SGCD: variants seen among roughly 807,000 people sequenced by gnomAD.
The protein encoded by SGCD is sarcoglycan delta.
In SGCD, 18 loss-of-function variants were observed where a neutral mutation model predicts 36.6. The ratio of observed to expected loss-of-function variants is 0.49; its 90% CI spans 0.34 to 0.73. The LOEUF (loss-of-function observed/expected upper bound fraction) is 0.73, where lower values mean the gene tolerates loss of function less well. Among genes scored for constraint, SGCD ranks in the 30% least tolerant of loss-of-function variants. The pLI, the probability that SGCD is intolerant of heterozygous loss-of-function variation, is 0.01. For missense variants in SGCD, 387 were observed against 346.7 expected, an observed-to-expected ratio of 1.12 and a Z score of -0.92; for synonymous variants, 133 against 130.6, an observed-to-expected ratio of 1.02 and a Z score of -0.12.
upstream of SGCD, among the ~76,000 whole-genome samples, chr5:155,865,389 G>A (rs1755504033): frequency 6.6e-6 from 1 of 152,076 alleles, no homozygotes; most frequent in Non-Finnish European, 1.5e-5. Context: ...ATTGTGATAT[G>A]TTGTTTTGGT....
At chr5:156,527,634 A>G (rs1449052806) in intron 4 of SGCD, among the ~76,000 whole-genome samples, 3 of 152,210 alleles carry the variant, frequency 2.0e-5, no homozygotes. Flanking sequence ...CTATCTGTGA[A>G]AGAAGCTGGA....
chr5:156,029,481 A>C (rs1276827700), intron 1 of SGCD, among the ~76,000 whole-genome samples: 1 of 152,206 alleles, frequency 6.6e-6, no homozygotes, highest in African/African-American at 2.4e-5. Context: ...TGTAGTAACC[A>C]AGGTAGATGT....
At chr5:156,316,702 A>C (rs1202905233) in intron 3 of SGCD, among the ~76,000 whole-genome samples, 1 of 152,054 alleles carries the variant, frequency 6.6e-6, no homozygotes, top group Non-Finnish European at 1.5e-5. Context: ...AGATTACATA[A>C]TGGAGAAAGG....
the SGCD span, among the ~76,000 whole-genome samples, chr5:155,794,344 C>T: frequency 6.6e-6 from 1 of 151,882 alleles, no homozygotes; most frequent in Non-Finnish European, 1.5e-5. Flanking sequence ...AAAATCCTGT[C>T]AATAGAATAT....
chr5:156,071,977 T>G (rs566635064), intron 1 of SGCD, among the ~76,000 whole-genome samples: 2,503 of 152,242 alleles, frequency 0.016, 60 homozygotes, highest in African/African-American at 0.05. Flanking sequence ...GTTTTCCATT[T>G]GCTTGGTAGA....
At chr5:156,076,104 C>T (rs1280917037) in intron 1 of SGCD, among the ~76,000 whole-genome samples, 1 of 151,988 alleles carries the variant, frequency 6.6e-6, no homozygotes, top group African/African-American at 2.4e-5. Flanking sequence ...CCTACTATCT[C>T]GCGGTCGCCA....
chr5:155,895,839 A>C (rs1379983604), intron 1 of SGCD, among the ~76,000 whole-genome samples: 1 of 152,220 alleles, frequency 6.6e-6, no homozygotes, highest in African/African-American at 2.4e-5. Context: ...GTGATATCTC[A>C]AGGAGTAATA....
intron 3 of SGCD, among the ~76,000 whole-genome samples, chr5:156,144,087 A>G (rs1168368654): frequency 2.6e-5 from 4 of 151,968 alleles, no homozygotes; most frequent in East Asian, 1.9e-4. Flanking sequence ...TTATGGCTGC[A>G]TGGTATTCCA....
chr5:156,132,457 TC>T, intron 3 of SGCD, among the ~76,000 whole-genome samples: 1 of 128,090 alleles, frequency 7.8e-6, no homozygotes, highest in Non-Finnish European at 1.6e-5. Flanking sequence ...ACTTACCAAG[TC>T]TTTTTTTTTT....
chr5:155,964,761 C>A (rs1455074347), intron 1 of SGCD, among the ~76,000 whole-genome samples: 1 of 152,072 alleles, frequency 6.6e-6, no homozygotes, highest in African/African-American at 2.4e-5. Flanking sequence ...GGCTATAACT[C>A]CAGAGGCCAG....
At chr5:156,173,190 A>T (rs1763382739) in intron 3 of SGCD, among the ~76,000 whole-genome samples, 1 of 152,154 alleles carries the variant, frequency 6.6e-6, no homozygotes, top group African/African-American at 2.4e-5. Context: ...ATGTGAATAG[A>T]TTTTTTTAAA....
At chr5:155,861,959 T>TC in the SGCD span, among the ~76,000 whole-genome samples, 2 of 152,112 alleles carry the variant, frequency 1.3e-5, no homozygotes, top group Non-Finnish European at 2.9e-5. Flanking sequence ...CTAGCTGCTC[T>TC]CCCCCATCCT....
the SGCD span, among the ~76,000 whole-genome samples, chr5:155,769,694 A>C: frequency 1.3e-5 from 2 of 152,200 alleles, no homozygotes; most frequent in Admixed American, 6.5e-5. Flanking sequence ...GCCTCAAAGT[A>C]TCTTTCATGC....
In SGCD at chr5:156,759,294, G is replaced by T. The variant is rs1757452356; in HGVS notation, c.777G>T (p.Lys259Asn). The T allele has an allele frequency of 6.2e-7, 1 of 1,613,510 alleles. No homozygotes were observed. Among genetic ancestry groups the T allele is most frequent in the Admixed American group, 1.7e-5 (1 of 60,004 alleles). ...GSYTPTGTRQKVFEICVCANG... is the reference protein window; with the variant it reads ...GSYTPTGTRQNVFEICVCANG... ...ACACGCCTACAGGAACGAGGCAGAAGGTCTTCGAGATCTGCGTCTGCGCCA... is the reference window on the plus strand; with the variant it reads ...ACACGCCTACAGGAACGAGGCAGAATGTCTTCGAGATCTGCGTCTGCGCCA... The change falls in exon 9 of 9, where the codon AAG becomes AAT. Residue 259 changes from lysine (K) to asparagine (N), a missense_variant. Physicochemically the swap from Lys to Asn is moderately conservative, Grantham distance 94 (BLOSUM62 0). Transcript: ENST00000337851.
chr5:156,395,433 T>G (rs1456287732), intron 3 of SGCD, among the ~76,000 whole-genome samples: 2 of 152,246 alleles, frequency 1.3e-5, no homozygotes, highest in African/African-American at 2.4e-5. Context: ...TTGTTTAGCT[T>G]CCTGGATTGT....
intron 1 of SGCD, among the ~76,000 whole-genome samples, chr5:155,899,196 G>A (rs1464051452): frequency 6.6e-6 from 1 of 152,186 alleles, no homozygotes; most frequent in African/African-American, 2.4e-5. Flanking sequence ...CAGAGTGAAA[G>A]CTGCTCCTGT....
intron 4 of SGCD, among the ~76,000 whole-genome samples, chr5:156,530,382 G>A (rs982928670): frequency 2.6e-5 from 4 of 152,146 alleles, no homozygotes; most frequent in Non-Finnish European, 5.9e-5. Flanking sequence ...AATCATTAAT[G>A]CATAGGTATT....
intron 3 of SGCD, among the ~76,000 whole-genome samples, chr5:156,460,917 A>T (rs1754458054): frequency 2.6e-5 from 4 of 152,224 alleles, no homozygotes; most frequent in Admixed American, 2.6e-4. Flanking sequence ...TTAATAGAAT[A>T]CACAACATTT....
chr5:156,469,547 AAAC>A (rs1754866712), intron 3 of SGCD, among the ~76,000 whole-genome samples: 1 of 152,232 alleles, frequency 6.6e-6, no homozygotes, highest in Non-Finnish European at 1.5e-5. Context: ...AATTGAAGTG[AAAC>A]AACTCATTCC....
Sources: gnomAD v4.1 joint callset for allele counts (sites outside exome capture counted in the v4.1 genomes callset) on GRCh38, gnomAD v4.1.1 for gene constraint, MANE v1.5 for transcripts, NCBI Gene and HGNC (gene_info 2026-07-23, HGNC 2026-07-21) for gene names.